The following RBPMS variants were observed in gnomAD, a reference collection of about 807,000 sequenced individuals.
RBPMS encodes RNA-binding protein with multiple splicing.
Under a neutral mutation model 26.8 loss-of-function variants are expected in RBPMS, and 7 were observed. That is an observed-to-expected ratio of 0.26 (90% CI 0.15 to 0.49). RBPMS has a LOEUF of 0.49. RBPMS is among the 20% of genes least tolerant of loss of function. RBPMS has a pLI of 0.98. For synonymous variants in RBPMS, 96 were observed against 93.3 expected (o/e 1.03, Z -0.17); for missense variants, 186 against 250.0 (o/e 0.74, Z 1.73).
chr8:30,500,773 G>A (rs1820478079), intron 4 of RBPMS, among the ~76,000 whole-genome samples: 1 of 152,060 alleles, frequency 6.6e-6, no homozygotes, highest in African/African-American at 2.4e-5. Flanking sequence ...AGGCAGCTGT[G>A]GTCAGAGGAA....
chr8:30,499,377 T>A (rs1820319483), intron 4 of RBPMS, among the ~76,000 whole-genome samples: 1 of 152,202 alleles, frequency 6.6e-6, no homozygotes, highest in Admixed American at 6.5e-5. Context: ...CTAGTAGATT[T>A]TTTTGAAAAA....
At chr8:30,408,524 C>T (rs1195442213) in intron 1 of RBPMS, among the ~76,000 whole-genome samples, 1 of 152,086 alleles carries the variant, frequency 6.6e-6, no homozygotes, top group Admixed American at 6.6e-5. Context: ...ACGAGACTGT[C>T]TCAAAAACAA....
intron 1 of RBPMS, among the ~76,000 whole-genome samples, chr8:30,417,973 G>GTGTGTTATA (rs1401092806): frequency 3.9e-5 from 6 of 152,132 alleles, no homozygotes; most frequent in Non-Finnish European, 7.3e-5. Flanking sequence ...GTTACCATAC[G>GTGTGTTATA]TAACACATAG....
rs900150779 is a variant in RBPMS, at chr8:30,545,196, G to C, written c.528+572G>C. Reference sequence around the variant, plus strand: ...TGTAGAAAAGGAGATACAAGATAGTGTCTAAGATGGAATTACAGGTCAAGG... The same window carrying C: ...TGTAGAAAAGGAGATACAAGATAGTCTCTAAGATGGAATTACAGGTCAAGG... On this transcript the variant is annotated intron_variant, in intron 6 of 8. Coordinates refer to ENST00000397323, the MANE Select transcript of RBPMS (RefSeq NM_001008710.3). The C allele has an allele frequency of 1.5e-5, 19 of 1,292,398 alleles. No homozygotes were observed. In the African/African-American group the frequency reaches 2.6e-4, roughly 18 times the overall value. 80.1% of individuals were successfully genotyped at this position (1,292,398 alleles called of 1,614,324 possible). A position where few individuals can be genotyped will look rare whatever the true frequency, so the allele number is the denominator to read the frequency against.
chr8:30,529,871 A>G (rs955621046), intron 5 of RBPMS, among the ~76,000 whole-genome samples: 1 of 151,368 alleles, frequency 6.6e-6, no homozygotes, highest in African/African-American at 2.4e-5. Flanking sequence ...CTGCTGCCTC[A>G]GTCTCCCGAA....
intron 1 of RBPMS, among the ~76,000 whole-genome samples, chr8:30,422,323 A>G (rs553183252): frequency 1.3e-5 from 2 of 152,126 alleles, no homozygotes; most frequent in Non-Finnish European, 2.9e-5. Flanking sequence ...CCAGTTGGCC[A>G]GGCTGGTCTT....
intron 1 of RBPMS, among the ~76,000 whole-genome samples, chr8:30,461,124 CT>C (rs1241882513): frequency 6.6e-6 from 1 of 151,902 alleles, no homozygotes; most frequent in East Asian, 1.9e-4. Flanking sequence ...ATATGCACCC[CT>C]AACTACATAG....
chr8:30,447,492 C>T (rs1360017671), intron 1 of RBPMS, among the ~76,000 whole-genome samples: 3 of 152,192 alleles, frequency 2.0e-5, no homozygotes, highest in Non-Finnish European at 4.4e-5. Flanking sequence ...GACTGAACTG[C>T]ATTATAGAGC....
At chr8:30,501,188 A>ACTC in intron 4 of RBPMS, among the ~76,000 whole-genome samples, 1 of 151,514 alleles carries the variant, frequency 6.6e-6, no homozygotes. Context: ...CTGAGCACAC[A>ACTC]CTCCAAAGTC....
intron 1 of RBPMS, among the ~76,000 whole-genome samples, chr8:30,472,111 T>C (rs1298716603): frequency 1.3e-5 from 2 of 152,240 alleles, no homozygotes; most frequent in Non-Finnish European, 2.9e-5. Context: ...TGTACATGAA[T>C]GTTCATAGCC....
chr8:30,542,453 A>G (rs1464524582), intron 5 of RBPMS, among the ~76,000 whole-genome samples: 2 of 152,218 alleles, frequency 1.3e-5, no homozygotes, highest in East Asian at 3.9e-4. Context: ...CTGATCAGGT[A>G]ACCACCTCTA....
chr8:30,393,583 C>T (rs1049543029), intron 1 of RBPMS, among the ~76,000 whole-genome samples: 2 of 151,418 alleles, frequency 1.3e-5, no homozygotes, highest in African/African-American at 2.4e-5. Flanking sequence ...AGTGCAGTGG[C>T]GCCATCTCAC....
intron 5 of RBPMS, among the ~76,000 whole-genome samples, chr8:30,518,513 C>T (rs1822592273): frequency 6.6e-6 from 1 of 151,686 alleles, no homozygotes; most frequent in African/African-American, 2.4e-5. Context: ...GCAACCTCCA[C>T]CTCCTGGGTT....
At chr8:30,386,876 A>G (rs1220985042) in intron 1 of RBPMS, among the ~76,000 whole-genome samples, 1 of 151,772 alleles carries the variant, frequency 6.6e-6, no homozygotes, top group Non-Finnish European at 1.5e-5. Context: ...TCCTTTTGGT[A>G]GGTAGCAAAA....
At chr8:30,446,229 G>A (rs1813746165) in intron 1 of RBPMS, among the ~76,000 whole-genome samples, 1 of 152,186 alleles carries the variant, frequency 6.6e-6, no homozygotes, top group South Asian at 2.1e-4. Flanking sequence ...CCTTTATTGT[G>A]GTTAATCTGC....
intron 6 of RBPMS, chr8:30,549,485 C>A: frequency 6.2e-7 from 1 of 1,605,234 alleles, no homozygotes; most frequent in African/African-American, 1.3e-5. Flanking sequence ...TTTACCTTTT[C>A]CTCTCAACCT....
intron 1 of RBPMS, among the ~76,000 whole-genome samples, chr8:30,452,087 T>G (rs1724469484): frequency 6.6e-6 from 1 of 152,184 alleles, no homozygotes; most frequent in Non-Finnish European, 1.5e-5. Context: ...GCGAGATGCC[T>G]TAACAAGGCT....
chr8:30,544,895 G>C, intron 6 of RBPMS: 1 of 1,486,876 alleles, frequency 6.7e-7, no homozygotes. Flanking sequence ...TGAGAGACCG[G>C]GGCAGGTTTA....
chr8:30,561,755 T>G lies in RBPMS; in HGVS notation c.*7+2799T>G, dbSNP rs147941937. ...AGAGAAGACCTTCAACTTGGCAATT[T>G]CAGTTGGTAGAGAAGTGGGCAAAGG... On this transcript the variant is annotated intron_variant, in intron 7 of 8. Coordinates refer to ENST00000397323, the MANE Select transcript of RBPMS (RefSeq NM_001008710.3). Among the ~76,000 whole-genome samples the G allele has an allele frequency of 3.9e-5, 6 of 152,192 alleles. No homozygotes were observed. In the East Asian group the frequency reaches 1.2e-3, roughly 29 times the overall value.
Sources: allele counts gnomAD v4.1 joint callset (sites outside exome capture counted in the v4.1 genomes callset), GRCh38; gene constraint gnomAD v4.1.1; transcripts MANE v1.5; gene names NCBI Gene and HGNC (gene_info 2026-07-23, HGNC 2026-07-21).